Variants in WDFY4 observed in about 807,000 individuals in gnomAD.
WDFY4 encodes WDFY family member 4, also known as WD repeat- and FYVE domain-containing protein 4.
WDFY4 carries 169 observed loss-of-function variants against 351.9 expected under a neutral mutation model. That is an observed-to-expected ratio of 0.48 (90% CI 0.42 to 0.55). The LOEUF is 0.55. Ranked by LOEUF, WDFY4 falls within the 20% of genes least tolerant of loss-of-function variation. The pLI is 0.00. For missense variants in WDFY4, 3,803 were observed against 3,935.6 expected, an observed-to-expected ratio of 0.97 and a Z score of 0.90; for synonymous variants, 1,622 against 1,574.6, an observed-to-expected ratio of 1.03 and a Z score of -0.71.
intron 42 of WDFY4, among the ~76,000 whole-genome samples, chr10:48,876,104 T>C (rs530932010): frequency 3.9e-5 from 6 of 152,308 alleles, no homozygotes; most frequent in African/African-American, 1.4e-4. Flanking sequence ...GCCTTCATGG[T>C]ATTTCCAGTA....
chr10:48,765,880 C>T (rs2065653486), intron 13 of WDFY4, among the ~76,000 whole-genome samples: 1 of 152,198 alleles, frequency 6.6e-6, no homozygotes, highest in Admixed American at 6.5e-5. Context: ...ATGGAAGCCT[C>T]CAGAACAGCC....
chr10:48,706,483 A>G (rs765468991), intron 1 of WDFY4, among the ~76,000 whole-genome samples: 14 of 152,236 alleles, frequency 9.2e-5, no homozygotes, highest in Non-Finnish European at 1.9e-4. Flanking sequence ...GCAAATGCGC[A>G]GTGAGAAACA....
rs2068165634 is a variant in WDFY4, at chr10:48,830,863, C to G, written c.6504C>G (p.Leu2168=). The change falls in exon 38 of 62, where the codon CTC becomes CTG. Residue 2168 remains leucine (L), a synonymous_variant. Transcript: ENST00000325239. ...CACCGCTCTGGGAGGAGACGATGCTCAAGGCCTGGCAGCATTACTTAGGTC... is the reference window on the plus strand; with the variant it reads ...CACCGCTCTGGGAGGAGACGATGCTGAAGGCCTGGCAGCATTACTTAGGTC... ...EVTPLWEETM[L]KAWQHYLASE... is the part of the protein sequence containing the mutation. The G allele has an allele frequency of 2.6e-6, 4 of 1,551,540 alleles. No homozygotes were observed. The highest frequency in any genetic ancestry group is 1.2e-5 in the South Asian group (1 of 84,032).
At position 48,789,999 on chromosome 10, in the gene WDFY4, G is replaced by C; in HGVS notation, c.4066+14G>C. On this transcript the variant is annotated intron_variant, in intron 22 of 61. Transcript: ENST00000325239. ...TGGGTCAATTAGGTATGTTCAACTG[G>C]GAAGCTTTGCCGCTATTTGGGAAGC... The C allele has an allele frequency of 6.4e-7, 1 of 1,551,392 alleles. No individual in the cohort carries two copies. The highest frequency in any genetic ancestry group is 1.7e-4 in the Middle Eastern group (1 of 5,996).
intron 1 of WDFY4, among the ~76,000 whole-genome samples, chr10:48,707,620 G>A (rs143388783): frequency 3.9e-5 from 6 of 152,366 alleles, no homozygotes; most frequent in East Asian, 1.9e-4. Context: ...ACAGAGACAC[G>A]TGGTGGAGTC....
At chr10:48,784,397 T>G (rs915739238) in intron 19 of WDFY4, among the ~76,000 whole-genome samples, 1 of 152,222 alleles carries the variant, frequency 6.6e-6, no homozygotes, top group African/African-American at 2.4e-5. Flanking sequence ...TATCTCACTG[T>G]GTTTTTAATT....
chr10:48,954,629 G>C (rs757740103), intron 51 of WDFY4, among the ~76,000 whole-genome samples: 24 of 152,074 alleles, frequency 1.6e-4, no homozygotes, highest in Non-Finnish European at 2.9e-4. Context: ...TTCAATCTTA[G>C]CTGGGACTGC....
chr10:48,743,579 C>A, intron 12 of WDFY4, 31 bp downstream of exon 12: 1 of 1,513,522 alleles, frequency 6.6e-7, no homozygotes, highest in Non-Finnish European at 8.8e-7. Context: ...GTCATCAGTG[C>A]ATCTCTGTCT....
intron 46 of WDFY4, 60 bp from the exon 47 acceptor site, chr10:48,901,741 T>C: frequency 1.3e-6 from 2 of 1,520,060 alleles, no homozygotes; most frequent in Non-Finnish European, 1.8e-6. Context: ...GAAATGCCTC[T>C]GCAGCAGGAG....
intron 45 of WDFY4, 53 bp from the exon 46 acceptor site, chr10:48,900,168 G>A: frequency 1.3e-6 from 2 of 1,489,870 alleles, no homozygotes; most frequent in South Asian, 2.5e-5. Context: ...TCACCCTGGG[G>A]CGTCTCTAGT....
intron 47 of WDFY4, among the ~76,000 whole-genome samples, chr10:48,933,195 A>C (rs183810295): frequency 8.5e-5 from 13 of 152,308 alleles, no homozygotes; most frequent in Non-Finnish European, 1.5e-4. Flanking sequence ...TGGACCAGGC[A>C]ACGAGAAAAC....
At chr10:48,733,256 T>C (rs2064531149) in intron 9 of WDFY4, among the ~76,000 whole-genome samples, 1 of 152,240 alleles carries the variant, frequency 6.6e-6, no homozygotes, top group Admixed American at 6.5e-5. Context: ...ATGTGTCTTG[T>C]TGTTTCTTAG....
intron 11 of WDFY4, among the ~76,000 whole-genome samples, chr10:48,740,969 A>T (rs2064832724): frequency 6.6e-6 from 1 of 152,090 alleles, no homozygotes; most frequent in South Asian, 2.1e-4. Context: ...ACTTTATGTT[A>T]TTTGTCTATT....
chr10:48,803,414 C>T, intron 25 of WDFY4, 55 bp downstream of exon 25: 1 of 1,527,180 alleles, frequency 6.5e-7, no homozygotes, highest in South Asian at 1.2e-5. Context: ...ATGTCCAGAA[C>T]AGAGACAGGG....
chr10:48,779,028 A>G (rs1358738482), intron 18 of WDFY4, among the ~76,000 whole-genome samples, 196 bp downstream of exon 18: 1 of 152,200 alleles, frequency 6.6e-6, no homozygotes, highest in Non-Finnish European at 1.5e-5. Flanking sequence ...CCTGGGCTCT[A>G]GGCTTGTAAG....
chr10:48,937,444 G>A (rs529513151), intron 47 of WDFY4, among the ~76,000 whole-genome samples: 1 of 152,280 alleles, frequency 6.6e-6, no homozygotes, highest in African/African-American at 2.4e-5. Context: ...CAGCGTGTCG[G>A]TGTTTATGCT....
intron 1 of WDFY4, among the ~76,000 whole-genome samples, chr10:48,686,626 T>C (rs755590074): frequency 2.0e-5 from 3 of 152,230 alleles, no homozygotes; most frequent in African/African-American, 7.2e-5. Flanking sequence ...CTTTTAAAAT[T>C]TGCCTAATTG....
chr10:48,725,899 AGTGACT>A lies in WDFY4; in HGVS notation c.611_616del (p.Ser204_Ser206delinsThr). The A allele has an allele frequency of 6.5e-7, 1 of 1,545,242 alleles. No homozygotes were observed. Among genetic ancestry groups the A allele is most frequent in the Non-Finnish European group, 8.8e-7 (1 of 1,141,654 alleles). ...TTTTCAGATGTTGCTCAATATTTGC[AGTGACT>A]CTCAGGGCCTGGAGGGACTCCTCTC... On this transcript the variant is annotated inframe_deletion, in exon 6 of 62. Transcript: ENST00000325239.
chr10:48,808,000 C>T (rs2067316233), intron 28 of WDFY4, 42 bp downstream of exon 28: 1 of 1,456,500 alleles, frequency 6.9e-7, no homozygotes. Flanking sequence ...GAGGTTACCT[C>T]ATACAGGGTG....
Sources: allele counts gnomAD v4.1 joint callset (sites outside exome capture counted in the v4.1 genomes callset), GRCh38; gene constraint gnomAD v4.1.1; transcripts MANE v1.5; gene names NCBI Gene and HGNC (gene_info 2026-07-23, HGNC 2026-07-21).